Variants in MYBPC3 observed in about 807,000 individuals in gnomAD.
The protein encoded by MYBPC3 is myosin binding protein C3, also known as myosin-binding protein C, cardiac-type.
In MYBPC3, 108 loss-of-function variants were observed where a neutral mutation model predicts 159.3. That is an observed-to-expected ratio of 0.68 (90% CI 0.58 to 0.80). MYBPC3 has a LOEUF of 0.80. MYBPC3 is among the 30% of genes least tolerant of loss of function. The probability of loss-of-function intolerance (pLI) is 0.00; values close to 1 mark genes in which losing one functional copy is unlikely to be tolerated. For missense variants in MYBPC3, 1,631 were observed against 1,762.1 expected (o/e 0.93, Z 1.33); for synonymous variants, 730 against 702.0 (o/e 1.04, Z -0.63).
Position 47,332,890 on chromosome 11 carries a change from G to C in MYBPC3, c.3414C>G (p.Arg1138=), listed in dbSNP as rs753671465. The change falls in exon 31 of 35, where the codon CGC becomes CGG. Residue 1138 remains arginine, a synonymous_variant. Transcript: ENST00000545968. The surrounding 1 kb of genome is among the most constrained non-coding windows in gnomAD (Gnocchi z 4.2). ...ELIIGNGYYF[R]VFSQNMVGFS... ...AGCCAACCATATTCTGGCTGAAGACGCGGAAGTAGTAGCCATTGCCAATGA... is the reference window on the plus strand; with the variant it reads ...AGCCAACCATATTCTGGCTGAAGACCCGGAAGTAGTAGCCATTGCCAATGA... 2 of 1,608,236 alleles carry C rather than the reference G, an allele frequency of 1.2e-6. No individual in the cohort carries two copies. Among genetic ancestry groups the C allele is most frequent in the East Asian group, 2.2e-5 (1 of 44,716 alleles).
chr11:47,342,897 G>C lies in MYBPC3; in HGVS notation c.1390C>G (p.Leu464Val). ...VLITRPLEDQ[L>V]VMVGQRVEFE... ...TCCACCCGCTGCCCCACCATCACCA[G>C]CTGGTCCTCCAAGGGGCGCGTGATG... Residue 464 changes from leucine (L) to valine (V), a missense_variant, in exon 16 of 35, where the codon CTG (leucine) becomes GTG (valine). Transcript: ENST00000545968. The C allele has an allele frequency of 6.2e-7, 1 of 1,612,704 alleles. No homozygotes were observed.
rs759301654 is a variant in MYBPC3 at position 47,338,699 on chromosome 11, G to A, written c.2149-20C>T. 6.3e-7 allele frequency: 1 copy of A among 1,597,844 alleles called. No homozygotes were observed. The highest frequency in any genetic ancestry group is 8.5e-7 in the Non-Finnish European group (1 of 1,171,896). ...CAGCAGCTGGGGGGGTGCAGAGTTG[G>A]GGTGAGATCCAAGTCAGACCCCAGA... On this transcript the variant is annotated intron_variant, in intron 22 of 34. Coordinates refer to ENST00000545968, the MANE Select transcript of MYBPC3 (RefSeq NM_000256.3). The surrounding 1 kb of genome is among the most constrained non-coding windows in gnomAD (Gnocchi z 4.7).
At chr11:47,342,777 C>T in intron 16 of MYBPC3, 33 bp from the exon 17 acceptor site, 3 of 1,612,986 alleles carry the variant, frequency 1.9e-6, no homozygotes, top group Non-Finnish European at 2.5e-6. Flanking sequence ...AGTGCTGTGG[C>T]CTCTTCTGGG....
At position 47,333,790 on chromosome 11, in the gene MYBPC3, C is replaced by T. The variant is rs1238408291; in HGVS notation, c.2995-38G>A. On this transcript the variant is annotated intron_variant, in intron 28 of 34. Transcript: ENST00000545968. ...AAAGCTTAACCCTGAACCTGGATCA[C>T]TCCAAGGGCCGGCCGCCACCCCAGC... The T allele has an allele frequency of 7.7e-6, 12 of 1,565,370 alleles. No individual in the cohort carries two copies. In the Admixed American group the frequency reaches 2.1e-4, roughly 28 times the overall value.
At position 47,348,908 on chromosome 11, in the gene MYBPC3, T is replaced by TTTTATATATATATATA. The variant is rs1555123222; in HGVS notation, c.655-368_655-367insTATATATATATATAAA. Among the ~76,000 whole-genome samples, 3 of 39,884 alleles carry TTTTATATATATATATA rather than the reference T, an allele frequency of 7.5e-5. 1 individual carries two copies. Among genetic ancestry groups the TTTTATATATATATATA allele is most frequent in the East Asian group, 1.6e-3 (2 of 1,254 alleles). 26.2% of individuals were successfully genotyped at this position (39,884 alleles called of 152,430 possible). A position where few individuals can be genotyped will look rare whatever the true frequency, so the allele number is the denominator to read the frequency against. Reference sequence around the variant, plus strand: ...CGACAGAGCGAGACCCTGTCTCAAATTATATATATATATATATATTTAAAG... The same window carrying TTTTATATATATATATA: ...CGACAGAGCGAGACCCTGTCTCAAATTTTATATATATATATATATATATATATATATATATTTAAAG... On this transcript the variant is annotated intron_variant, in intron 5 of 34. Transcript: ENST00000545968.
chr11:47,341,790 TTCTG>T (rs566821326), intron 18 of MYBPC3, among the ~76,000 whole-genome samples, 197 bp downstream of exon 18: 171 of 152,260 alleles, frequency 1.1e-3, no homozygotes, highest in African/African-American at 4.0e-3. Context: ...ATAGAACTAT[TTCTG>T]TCTTTCTGTC....
At position 47,334,062 on chromosome 11, in the gene MYBPC3, G is replaced by T. The variant is rs145984133; in HGVS notation, c.2906-52C>A. On this transcript the variant is annotated intron_variant, in intron 27 of 34. Coordinates refer to ENST00000545968, the MANE Select transcript of MYBPC3 (RefSeq NM_000256.3). ...TGAGGGCCCGCCACAGCTCTGAGGG[G>T]CTCCACAGCTCCAACCTCCCTTGAG... 4.7e-6 allele frequency: 7 copies of T among 1,488,080 alleles called. No individual in the cohort carries two copies. In the African/African-American group the frequency reaches 5.6e-5, roughly 12 times the overall value. The allele number at this position is 1,488,080 out of a possible 1,614,324, so 92.2% of individuals were successfully genotyped here. A position where few individuals can be genotyped will look rare whatever the true frequency, so the allele number is the denominator to read the frequency against.
In MYBPC3 at chr11:47,351,553, C is replaced by T. The variant is rs751066251; in HGVS notation, c.26-48G>A. On this transcript the variant is annotated intron_variant, in intron 1 of 34. Transcript: ENST00000545968. This position sits in a 1 kb window ranked among gnomAD's most constrained non-coding sequence, Gnocchi z 4.2. ...CAGCGGCCCCTGGTTGGAGCGTGCA[C>T]CCCGCCCCTGCAGCCCCTCTCAGTA... The T allele has an allele frequency of 7.2e-6, 11 of 1,518,448 alleles. No individual in the cohort carries two copies. In the South Asian group the frequency reaches 1.2e-4, roughly 16 times the overall value. 94.1% of individuals were successfully genotyped at this position (1,518,448 alleles called of 1,614,324 possible).
chr11:47,343,463 C>A (rs11570078), intron 13 of MYBPC3, 29 bp downstream of exon 13: 5 of 1,555,464 alleles, frequency 3.2e-6, no homozygotes, highest in South Asian at 2.4e-5. Flanking sequence ...CACCTCCACC[C>A]GAGCCCCCCT....
Position 47,346,680 on chromosome 11 carries a change from G to T in MYBPC3, c.909-36C>A. ...GGTGGGGGTGGGAGAAAGGGTAGGTGGCACATGAGAGGTATGGCCACCTTC... is the reference window on the plus strand; with the variant it reads ...GGTGGGGGTGGGAGAAAGGGTAGGTTGCACATGAGAGGTATGGCCACCTTC... On this transcript the variant is annotated intron_variant, in intron 10 of 34. Transcript: ENST00000545968. This position sits in a 1 kb window ranked among gnomAD's most constrained non-coding sequence, Gnocchi z 5.3. 6.3e-7 allele frequency: 1 copy of T among 1,591,316 alleles called. No homozygotes were observed. Among genetic ancestry groups the T allele is most frequent in the Non-Finnish European group, 8.6e-7 (1 of 1,168,256 alleles).
rs1328632792 is a variant in MYBPC3 at position 47,346,888 on chromosome 11, C to A, written c.908+139G>T. On this transcript the variant is annotated intron_variant, in intron 10 of 34. Coordinates refer to ENST00000545968, the MANE Select transcript of MYBPC3 (RefSeq NM_000256.3). This position sits in a 1 kb window ranked among gnomAD's most constrained non-coding sequence, Gnocchi z 5.3. ...GGTGGGTGGCAGGAGAAGCCCAAGG[C>A]ACAGAGACTCACCCCTGTCCGTGGG... The A allele has an allele frequency of 7.0e-6, 5 of 717,508 alleles. No individual in the cohort carries two copies. The East Asian group carries it at 1.3e-4, about 19-fold the overall frequency. 44.4% of individuals were successfully genotyped at this position (717,508 alleles called of 1,614,324 possible). A position where few individuals can be genotyped will look rare whatever the true frequency, so the allele number is the denominator to read the frequency against.
At chr11:47,333,863 T>A (rs2095879828) in intron 28 of MYBPC3, 59 bp downstream of exon 28, 1 of 1,551,964 alleles carries the variant, frequency 6.4e-7, no homozygotes, top group African/African-American at 1.4e-5. Flanking sequence ...GTCCACTGGA[T>A]GGGAACAACA....
chr11:47,344,650 G>A (rs1369325970), intron 12 of MYBPC3, among the ~76,000 whole-genome samples: 1 of 152,184 alleles, frequency 6.6e-6, no homozygotes, highest in Non-Finnish European at 1.5e-5. Flanking sequence ...GGTGCTCTGT[G>A]ACCTTGCGCT....
Position 47,351,189 on chromosome 11 carries a change from G to GGGGCC in MYBPC3, c.292+49_292+50insGGCCC. 28 of 1,448,880 alleles carry GGGGCC rather than the reference G, an allele frequency of 1.9e-5. No homozygotes were observed. The highest frequency in any genetic ancestry group is 2.6e-5 in the East Asian group (1 of 38,916). 89.8% of individuals were successfully genotyped at this position (1,448,880 alleles called of 1,614,324 possible). A position where few individuals can be genotyped will look rare whatever the true frequency, so the allele number is the denominator to read the frequency against. On this transcript the variant is annotated intron_variant, in intron 2 of 34. Transcript: ENST00000545968. The surrounding 1 kb of genome is among the most constrained non-coding windows in gnomAD (Gnocchi z 4.2). The stretch of plus-strand genomic sequence containing the variant: ...TGGATGGATGGAGAGTCGCTGGGCT[G>GGGGCC]CCCCTCCCCCAGCAGCCCAAACCTC...
intron 9 of MYBPC3, 137 bp from the exon 10 acceptor site, chr11:47,347,166 C>T: frequency 2.1e-6 from 3 of 1,446,828 alleles, no homozygotes; most frequent in South Asian, 2.9e-5. Flanking sequence ...TTCTGGGTCC[C>T]CGGAGTTTAC....
chr11:47,332,422 C>T lies in MYBPC3; in HGVS notation c.3627+144G>A. The T allele has an allele frequency of 1.4e-6, 2 of 1,418,252 alleles. No homozygotes were observed. The highest frequency in any genetic ancestry group is 1.9e-6 in the Non-Finnish European group (2 of 1,041,802). The allele number at this position is 1,418,252 out of a possible 1,614,324, so 87.9% of individuals were successfully genotyped here. Reference sequence around the variant, plus strand: ...ATGGAACCAAGAGTGAGTACCATGGCCCTGCCCAGGGGGAGGAACCCGGTC... The same window carrying T: ...ATGGAACCAAGAGTGAGTACCATGGTCCTGCCCAGGGGGAGGAACCCGGTC... On this transcript the variant is annotated intron_variant, in intron 32 of 34. Coordinates refer to ENST00000545968, the MANE Select transcript of MYBPC3 (RefSeq NM_000256.3). This position sits in a 1 kb window ranked among gnomAD's most constrained non-coding sequence, Gnocchi z 4.2.
chr11:47,334,811 C>G (rs1015080257), intron 27 of MYBPC3, among the ~76,000 whole-genome samples: 3 of 152,224 alleles, frequency 2.0e-5, no homozygotes, highest in Non-Finnish European at 4.4e-5. Flanking sequence ...GATCTGCCTG[C>G]CTTGGCCTCC....
rs2095881622 is a variant in MYBPC3, at chr11:47,335,814, G to C, written c.2737+63C>G. The stretch of plus-strand genomic sequence containing the variant: ...AAAAAACTTGACTACAGGTGAATCT[G>C]CTCAATGGCAAGGTGAGCATGTTCT... On this transcript the variant is annotated intron_variant, in intron 26 of 34. Transcript: ENST00000545968. The C allele has an allele frequency of 3.7e-6, 5 of 1,334,966 alleles. No homozygotes were observed. The South Asian group carries it at 9.2e-5, about 25-fold the overall frequency. The allele number at this position is 1,334,966 out of a possible 1,614,324, so 82.7% of individuals were successfully genotyped here. A position where few individuals can be genotyped will look rare whatever the true frequency, so the allele number is the denominator to read the frequency against.
At chr11:47,345,454 T>G (rs1445748145) in intron 12 of MYBPC3, among the ~76,000 whole-genome samples, 4 of 152,068 alleles carry the variant, frequency 2.6e-5, no homozygotes, top group African/African-American at 9.7e-5. Flanking sequence ...GTGTGTTTTG[T>G]GTGTGTGCTT....
Sources: gnomAD v4.1 joint callset for allele counts (sites outside exome capture counted in the v4.1 genomes callset) on GRCh38, gnomAD v4.1.1 for gene constraint, Gnocchi (gnomAD v3.1) non-coding constraint, MANE v1.5 for transcripts, NCBI Gene and HGNC (gene_info 2026-07-23, HGNC 2026-07-21) for gene names.